The following ADD2 variants were observed in gnomAD, a reference collection of about 807,000 sequenced individuals.
ADD2 encodes adducin 2.
A neutral mutation model predicts 83.0 loss-of-function variants in ADD2; 23 were observed. That is an observed-to-expected ratio of 0.28 (90% CI 0.20 to 0.39). The LOEUF (loss-of-function observed/expected upper bound fraction) is 0.39, where lower values mean the gene tolerates loss of function less well. Among genes scored for constraint, ADD2 ranks in the 10% least tolerant of loss-of-function variants. ADD2 has a pLI of 1.00. For synonymous variants in ADD2, 375 were observed against 375.4 expected, an observed-to-expected ratio of 1.00 and a Z score of 0.01; for missense variants, 758 against 944.9, an observed-to-expected ratio of 0.80 and a Z score of 2.59.
Position 70,674,789 on chromosome 2 carries a change from C to A in ADD2, c.1630G>T (p.Asp544Tyr). ...ESQLMSKGDE[D>Y]TKDDSEETVP... is the part of the protein sequence containing the mutation. ...GTCTCCTCTGAATCGTCTTTGGTAT[C>A]CTCGTCTCCCTTGGACATCAGCTGG... The change falls in exon 14 of 16, where the codon GAT becomes TAT. Residue 544 changes from aspartate to tyrosine, a missense_variant. Transcript: ENST00000264436. The A allele has an allele frequency of 6.2e-6, 10 of 1,614,104 alleles. No individual in the cohort carries two copies. The highest frequency in any genetic ancestry group is 3.3e-5 in the South Asian group (3 of 91,064).
intron 13 of ADD2, chr2:70,675,609 T>G (rs1415765676): frequency 3.0e-6 from 3 of 985,310 alleles, no homozygotes; most frequent in African/African-American, 1.7e-5. Flanking sequence ...TCTTGGCCTT[T>G]GAGGATGCAG....
At chr2:70,669,029 A>C (rs1669792233) in intron 15 of ADD2, among the ~76,000 whole-genome samples, 1 of 152,188 alleles carries the variant, frequency 6.6e-6, no homozygotes, top group African/African-American at 2.4e-5. Context: ...TCATAGAGAG[A>C]TTCATTAAAG....
intron 1 of ADD2, among the ~76,000 whole-genome samples, chr2:70,727,676 C>G (rs906985194): frequency 6.6e-6 from 1 of 152,088 alleles, no homozygotes; most frequent in Non-Finnish European, 1.5e-5. Context: ...GGGCAGATCA[C>G]TTGCAGTCAG....
intron 11 of ADD2, among the ~76,000 whole-genome samples, chr2:70,678,121 T>C (rs1395254976): frequency 6.6e-6 from 1 of 152,218 alleles, no homozygotes; most frequent in Non-Finnish European, 1.5e-5. Flanking sequence ...ATCCAAGAGT[T>C]GGGGTCAGAA....
Position 70,767,649 on chromosome 2 carries a change from A to C in ADD2, c.-154+237T>G, listed in dbSNP as rs1032501614. Reference sequence around the variant, plus strand: ...GGCGAGGGTCCCACCATCCCCAAGCAGGGGCCAGTGCTTGCAGCCCCGATT... The same window carrying C: ...GGCGAGGGTCCCACCATCCCCAAGCCGGGGCCAGTGCTTGCAGCCCCGATT... On this transcript the variant is annotated intron_variant, in intron 1 of 15. Coordinates refer to ENST00000264436, the MANE Select transcript of ADD2 (RefSeq NM_001617.4). 6.0e-6 allele frequency: 8 copies of C among 1,334,908 alleles called. No homozygotes were observed. In the East Asian group the frequency reaches 2.4e-4, roughly 40 times the overall value. The allele number at this position is 1,334,908 out of a possible 1,614,324, so 82.7% of individuals were successfully genotyped here. A position where few individuals can be genotyped will look rare whatever the true frequency, so the allele number is the denominator to read the frequency against.
chr2:70,717,361 A>C (rs1672525127), intron 1 of ADD2, among the ~76,000 whole-genome samples: 1 of 152,208 alleles, frequency 6.6e-6, no homozygotes, highest in South Asian at 2.1e-4. Flanking sequence ...GGGGAGTAAT[A>C]GATGCCCGAG....
Position 70,678,941 on chromosome 2 carries a change from C to A in ADD2, c.1146G>T (p.Thr382=). 1 of 1,612,952 alleles carries A rather than the reference C, an allele frequency of 6.2e-7. No individual in the cohort carries two copies. Among genetic ancestry groups the A allele is most frequent in the Non-Finnish European group, 8.5e-7 (1 of 1,179,478 alleles). Residue 382 remains threonine (T), a synonymous_variant, in exon 11 of 16, where the codon ACG becomes ACT. Coordinates refer to ENST00000264436, the MANE Select transcript of ADD2 (RefSeq NM_001617.4). ...TCTCTTGAACAAAGGGGTGGCGATA[C>A]GTGTAACCTGTTCTGTAGCCCTATA... is the stretch of plus-strand genomic sequence containing the variant. ...LDNLGYRTGY[T]YRHPFVQEKT...
At position 70,757,622 on chromosome 2, in the gene ADD2, A is replaced by C. The variant is rs79705668; in HGVS notation, c.-154+10264T>G. On this transcript the variant is annotated intron_variant, in intron 1 of 15. Transcript: ENST00000264436. ...ATAAATTCTAAAAAAAGGGATGCTGAGATAATCAGTATGGATGCTCTGCCA... is the reference window on the plus strand; with the variant it reads ...ATAAATTCTAAAAAAAGGGATGCTGCGATAATCAGTATGGATGCTCTGCCA... Among the ~76,000 whole-genome samples, 1,122 of 152,296 alleles carry C rather than the reference A, an allele frequency of 7.4e-3. 13 individuals carry two copies. Among genetic ancestry groups the C allele is most frequent in the African/African-American group, 0.026 (1,075 of 41,540 alleles).
At chr2:70,732,853 G>A (rs1673355345) in intron 1 of ADD2, among the ~76,000 whole-genome samples, 1 of 152,202 alleles carries the variant, frequency 6.6e-6, no homozygotes, top group Non-Finnish European at 1.5e-5. Context: ...GGAGGAGGAT[G>A]TGCAGGAGCT....
chr2:70,751,997 T>C (rs1291130559), intron 1 of ADD2, among the ~76,000 whole-genome samples: 1 of 152,190 alleles, frequency 6.6e-6, no homozygotes, highest in Admixed American at 6.5e-5. Context: ...CATCAAGACA[T>C]TGTAATTATC....
At chr2:70,758,620 A>G (rs1320669568) in intron 1 of ADD2, among the ~76,000 whole-genome samples, 1 of 152,182 alleles carries the variant, frequency 6.6e-6, no homozygotes, top group Admixed American at 6.5e-5. Context: ...CAACATAGTG[A>G]GACCTCGTCT....
chr2:70,720,205 G>C (rs1223338503), intron 1 of ADD2, among the ~76,000 whole-genome samples: 1 of 152,130 alleles, frequency 6.6e-6, no homozygotes, highest in Non-Finnish European at 1.5e-5. Context: ...CTCCAGACTG[G>C]GGAAGCTGTG....
At chr2:70,735,285 T>C (rs555848215) in intron 1 of ADD2, among the ~76,000 whole-genome samples, 83 of 152,192 alleles carry the variant, frequency 5.5e-4, no homozygotes, top group African/African-American at 1.9e-3. Flanking sequence ...AGGCAGAGAT[T>C]TGCATAATGA....
At chr2:70,727,649 C>A (rs1673073872) in intron 1 of ADD2, among the ~76,000 whole-genome samples, 2 of 152,234 alleles carry the variant, frequency 1.3e-5, no homozygotes, top group African/African-American at 4.8e-5. Flanking sequence ...AATCCCCGCA[C>A]TTTAGGAGGC....
chr2:70,707,560 T>TG (rs5832027), intron 2 of ADD2, among the ~76,000 whole-genome samples: 152,384 of 152,384 alleles, frequency 1, 76,192 homozygotes, highest in Non-Finnish European at 1. Flanking sequence ...AGTGGGAATT[T>TG]GCGAAGCCCG....
Position 70,662,456 on chromosome 2 carries a change from G to A in ADD2, c.*969C>T, listed in dbSNP as rs1675574251. On this transcript the variant is annotated 3_prime_UTR_variant, in exon 16 of 16. Coordinates refer to ENST00000264436, the MANE Select transcript of ADD2 (RefSeq NM_001617.4). The stretch of plus-strand genomic sequence containing the variant: ...TGTAAGCAAGTGTTTCTGGGGGTGA[G>A]GGAAGGTCAGGGGAAACCTGACCAC... 3 of 152,194 alleles carry A rather than the reference G, an allele frequency of 2.0e-5. No individual in the cohort carries two copies. Among genetic ancestry groups the A allele is most frequent in the Admixed American group, 2.0e-4 (3 of 15,280 alleles). The allele number at this position is 152,194 out of a possible 1,614,324, so 9.4% of individuals were successfully genotyped here.
chr2:70,698,410 C>T (rs1239570713), intron 4 of ADD2, among the ~76,000 whole-genome samples: 1 of 152,156 alleles, frequency 6.6e-6, no homozygotes, highest in Non-Finnish European at 1.5e-5. Context: ...GCTCCCGATC[C>T]CCTGCTCTGA....
In ADD2 at chr2:70,659,064, A is replaced by G. The variant is rs1473258142; in HGVS notation, c.*4361T>C. 2 of 150,122 alleles carry G rather than the reference A, an allele frequency of 1.3e-5. No homozygotes were observed. The highest frequency in any genetic ancestry group is 3.0e-5 in the Non-Finnish European group (2 of 67,752). The allele number at this position is 150,122 out of a possible 1,614,324, so 9.3% of individuals were successfully genotyped here. ...AGGCTGAGACAGAAGAATCGCTTGA[A>G]AAACCGGGAGGCAGAGGTTGCAGTG... is the stretch of plus-strand genomic sequence containing the variant. On this transcript the variant is annotated 3_prime_UTR_variant, in exon 16 of 16. Transcript: ENST00000264436.
At chr2:70,721,834 G>A (rs1481052383) in intron 1 of ADD2, among the ~76,000 whole-genome samples, 2 of 152,202 alleles carry the variant, frequency 1.3e-5, no homozygotes, top group Non-Finnish European at 2.9e-5. Context: ...TCCATTTATA[G>A]AAAACTTAAA....
Sources: gnomAD v4.1 joint callset for allele counts (sites outside exome capture counted in the v4.1 genomes callset) on GRCh38, gnomAD v4.1.1 for gene constraint, MANE v1.5 for transcripts, NCBI Gene and HGNC (gene_info 2026-07-23, HGNC 2026-07-21) for gene names.